The following CSMD1 variants were observed in gnomAD, a reference collection of about 807,000 sequenced individuals.
CSMD1 encodes CUB and Sushi multiple domains 1.
In CSMD1, 213 loss-of-function variants were observed where a neutral mutation model predicts 417.5. The observed-to-expected ratio is 0.51, with a 90% CI of 0.46 to 0.57. CSMD1 has a LOEUF of 0.57. CSMD1 is among the 20% of genes least tolerant of loss of function. The probability of loss-of-function intolerance (pLI) is 0.00; values close to 1 mark genes in which losing one functional copy is unlikely to be tolerated. For missense variants in CSMD1, 6,923 were observed against 4,529.7 expected (o/e 1.53, Z -15.17); for synonymous variants, 2,862 against 1,736.8 (o/e 1.65, Z -16.11).
intron 3 of CSMD1, among the ~76,000 whole-genome samples, chr8:4,078,718 A>T (rs919298414): frequency 6.6e-6 from 1 of 150,436 alleles, no homozygotes; most frequent in Non-Finnish European, 1.5e-5. Context: ...TGTTCTCCAT[A>T]GATTGCTTTA....
intron 1 of CSMD1, among the ~76,000 whole-genome samples, chr8:4,727,119 A>G (rs1050482423): frequency 6.6e-6 from 1 of 152,114 alleles, no homozygotes; most frequent in African/African-American, 2.4e-5. Flanking sequence ...GCCCTTCTGC[A>G]GCTGAATGTA....
intron 1 of CSMD1, among the ~76,000 whole-genome samples, chr8:4,718,004 G>A (rs1021332830): frequency 3.3e-5 from 5 of 152,052 alleles, no homozygotes; most frequent in Non-Finnish European, 7.4e-5. Flanking sequence ...TTGAGACTGG[G>A]TCTTGCTCTG....
chr8:3,348,259 T>G, intron 21 of CSMD1, 98 bp from the exon 22 acceptor site: 1 of 822,574 alleles, frequency 1.2e-6, no homozygotes, highest in Non-Finnish European at 1.9e-6. Context: ...TCCTCTTCTA[T>G]CAACGTATGT....
intron 23 of CSMD1, among the ~76,000 whole-genome samples, chr8:3,318,732 G>A (rs1805950097): frequency 1.3e-5 from 2 of 152,108 alleles, no homozygotes; most frequent in African/African-American, 4.8e-5. Flanking sequence ...TTCCCTAGCT[G>A]GAGTGTCACG....
intron 6 of CSMD1, among the ~76,000 whole-genome samples, chr8:3,714,913 A>C (rs184735408): frequency 3.9e-5 from 6 of 152,180 alleles, no homozygotes; most frequent in Non-Finnish European, 8.8e-5. Context: ...AGAAATCTCA[A>C]TGGTTTACAT....
At chr8:4,583,868 C>G (rs1053264986) in intron 2 of CSMD1, among the ~76,000 whole-genome samples, 1 of 152,064 alleles carries the variant, frequency 6.6e-6, no homozygotes, top group Non-Finnish European at 1.5e-5. Context: ...TTTGTTCTTT[C>G]ACTCTTTGCA....
intron 46 of CSMD1, 69 bp from the exon 47 acceptor site, chr8:3,097,106 A>C: frequency 8.0e-7 from 1 of 1,247,544 alleles, no homozygotes; most frequent in Non-Finnish European, 1.1e-6. Context: ...GATAGTTTCT[A>C]TCCCTGTATA....
chr8:3,381,960 T>G (rs1038869123), intron 18 of CSMD1, among the ~76,000 whole-genome samples: 2 of 152,122 alleles, frequency 1.3e-5, no homozygotes, highest in African/African-American at 4.8e-5. Context: ...TTTTTTCCTT[T>G]AAAAAGAATG....
At chr8:4,040,538 G>C (rs1339887354) in intron 3 of CSMD1, among the ~76,000 whole-genome samples, 1 of 152,202 alleles carries the variant, frequency 6.6e-6, no homozygotes, top group Non-Finnish European at 1.5e-5. Flanking sequence ...AAGAGGTGAT[G>C]ATAAAGTGTG....
intron 5 of CSMD1, among the ~76,000 whole-genome samples, chr8:3,916,275 T>C (rs1409798511): frequency 6.6e-6 from 1 of 152,086 alleles, no homozygotes; most frequent in Non-Finnish European, 1.5e-5. Flanking sequence ...CAGAAAGCTT[T>C]TGTGGAAAGT....
chr8:4,402,028 T>C (rs1563135797), intron 3 of CSMD1, among the ~76,000 whole-genome samples: 1 of 152,142 alleles, frequency 6.6e-6, no homozygotes, highest in Admixed American at 6.6e-5. Flanking sequence ...TTATAATTCG[T>C]GGTGACTTCA....
rs533827767 is a variant in CSMD1 at position 3,201,600 on chromosome 8, T to G, written c.5098+12A>C. On this transcript the variant is annotated intron_variant, in intron 32 of 69. Coordinates refer to ENST00000635120, the MANE Select transcript of CSMD1 (RefSeq NM_033225.6). The stretch of plus-strand genomic sequence containing the variant: ...CTGAACTAAATTAAGGGCAAAATTC[T>G]TTAAGACTTACCTGAGTGAGACCCC... The G allele has an allele frequency of 6.5e-7, 1 of 1,545,780 alleles. No homozygotes were observed. The highest frequency in any genetic ancestry group is 1.2e-5 in the South Asian group (1 of 84,922).
intron 17 of CSMD1, among the ~76,000 whole-genome samples, chr8:3,394,019 T>C (rs1317115212): frequency 2.0e-5 from 1 of 49,368 alleles, no homozygotes; most frequent in South Asian, 7.2e-4. Context: ...AAATTATATA[T>C]ATATATATAT....
At chr8:3,911,301 CT>C (rs369861925) in intron 5 of CSMD1, among the ~76,000 whole-genome samples, 72 of 148,816 alleles carry the variant, frequency 4.8e-4, no homozygotes, top group Middle Eastern at 3.4e-3. Flanking sequence ...ATCATAGATC[CT>C]TTTTTTTTTC....
intron 5 of CSMD1, among the ~76,000 whole-genome samples, chr8:3,911,653 C>G (rs1483997028): frequency 6.6e-6 from 1 of 152,072 alleles, no homozygotes; most frequent in Non-Finnish European, 1.5e-5. Context: ...TCATAATCAC[C>G]TCTTTCACAT....
At chr8:4,375,118 T>A (rs940423705) in intron 3 of CSMD1, among the ~76,000 whole-genome samples, 1 of 151,912 alleles carries the variant, frequency 6.6e-6, no homozygotes, top group African/African-American at 2.4e-5. Context: ...AAGAACGAAG[T>A]CAAAAATGGC....
intron 3 of CSMD1, among the ~76,000 whole-genome samples, chr8:4,071,299 T>C (rs777792365): frequency 6.6e-6 from 1 of 152,176 alleles, no homozygotes; most frequent in African/African-American, 2.4e-5. Flanking sequence ...ATTTTCTCTA[T>C]ATTCTACTGA....
chr8:4,874,405 T>TTC (rs1554508003), intron 1 of CSMD1, among the ~76,000 whole-genome samples: 7 of 150,488 alleles, frequency 4.7e-5, no homozygotes, highest in East Asian at 3.9e-4. Flanking sequence ...TTTTTTTTTT[T>TTC]CTGAGACGGA....
chr8:4,041,830 C>A (rs750408009), intron 3 of CSMD1, among the ~76,000 whole-genome samples: 6 of 151,860 alleles, frequency 4.0e-5, no homozygotes, highest in African/African-American at 7.3e-5. Context: ...CAAAACAAAC[C>A]CAGATTGAAC....
Sources: gnomAD v4.1 joint callset for allele counts (sites outside exome capture counted in the v4.1 genomes callset) on GRCh38, gnomAD v4.1.1 for gene constraint, MANE v1.5 for transcripts, NCBI Gene and HGNC (gene_info 2026-07-23, HGNC 2026-07-21) for gene names.